Variants in NBPF9 observed in about 807,000 individuals in gnomAD.
NBPF9 encodes NBPF family member NBPF9.
In NBPF9, 91 loss-of-function variants were observed where a neutral mutation model predicts 97.8. The observed-to-expected ratio is 0.93, with a 90% CI of 0.79 to 1.11. The LOEUF (loss-of-function observed/expected upper bound fraction) is 1.11, where lower values mean the gene tolerates loss of function less well. Among genes scored for constraint, NBPF9 ranks in the 50% least tolerant of loss-of-function variants. NBPF9 has a pLI of 0.00. For missense variants in NBPF9, 992 were observed against 939.5 expected, an observed-to-expected ratio of 1.06 and a Z score of -0.73; for synonymous variants, 334 against 359.5, an observed-to-expected ratio of 0.93 and a Z score of 0.80.
intron 18 of NBPF9, chr1:149,065,212 G>A (rs1240988930): frequency 8.6e-6 from 6 of 696,312 alleles, no homozygotes; most frequent in Non-Finnish European, 1.0e-5. Flanking sequence ...GAGCTGATCT[G>A]ACAGACAACT....
chr1:149,062,171 G>A (rs587741705), exon 22 of NBPF9: 55 of 905,570 alleles, frequency 6.1e-5, no homozygotes, highest in Non-Finnish European at 9.5e-5. Flanking sequence ...CCTAAGTCAG[G>A]CAGTTCAAGA....
intron 5 of NBPF9, among the ~76,000 whole-genome samples, chr1:149,083,087 C>A (rs1306826838): frequency 1.3e-5 from 2 of 148,900 alleles, no homozygotes; most frequent in Non-Finnish European, 3.0e-5. Flanking sequence ...GGATTACAGG[C>A]GTGAGCCACC....
rs782617708 is a variant in NBPF9, at chr1:149,072,760, C to T, written c.1264G>A (p.Gly422Arg). The change falls in exon 14 of 30, where the codon GGG (glycine) becomes AGG (arginine). Residue 422 changes from glycine to arginine, a missense_variant. By Grantham distance (125) the Gly-to-Arg change is moderately radical. Coordinates refer to ENST00000584027, the Ensembl canonical transcript of NBPF9. The stretch of plus-strand genomic sequence containing the variant: ...ACAAGGTGCTGTGCCAGTCTACACC[C>T]CTCAGCCAGCTGTTCTTGGAGGTCC... 6 of 1,597,242 alleles carry T rather than the reference C, an allele frequency of 3.8e-6. No homozygotes were observed. The South Asian group carries it at 5.5e-5, about 15-fold the overall frequency.
rs587653005 is a variant in NBPF9, at chr1:149,079,273, G to A, written c.279-52C>T. ...AAGAGTAGAAAGGGTTGAGTGATCC[G>A]TTCAAATATTGCAACAGAGACTTCT... is the stretch of plus-strand genomic sequence containing the variant. On this transcript the variant is annotated intron_variant, in intron 8 of 29. Coordinates refer to ENST00000584027, the Ensembl canonical transcript of NBPF9. 4.7e-5 allele frequency: 56 copies of A among 1,189,322 alleles called. 3 individuals are homozygous for A. The highest frequency in any genetic ancestry group is 5.1e-5 in the East Asian group (2 of 39,240). The allele number at this position is 1,189,322 out of a possible 1,614,324, so 73.7% of individuals were successfully genotyped here.
At chr1:149,101,539 G>A (rs1339220542) in intron 2 of NBPF9, among the ~76,000 whole-genome samples, 160 bp from the exon 3 acceptor site, 3 of 152,348 alleles carry the variant, frequency 2.0e-5, no homozygotes, top group South Asian at 2.1e-4. Context: ...CAAATCAACA[G>A]AAAAACAAGC....
At chr1:149,076,777 G>T (rs587606477) in intron 11 of NBPF9, among the ~76,000 whole-genome samples, 2 of 151,068 alleles carry the variant, frequency 1.3e-5, no homozygotes, top group African/African-American at 4.8e-5. Flanking sequence ...CAAAGTGCTC[G>T]GATTACAGGT....
chr1:149,085,741 T>C (rs1303437498), intron 5 of NBPF9, among the ~76,000 whole-genome samples: 3 of 151,426 alleles, frequency 2.0e-5, no homozygotes, highest in Non-Finnish European at 2.9e-5. Context: ...TATGGAGAAA[T>C]TAAGATGATG....
chr1:149,052,745 G>GTGT (rs2077984269), downstream of NBPF9, among the ~76,000 whole-genome samples: 2 of 150,028 alleles, frequency 1.3e-5, no homozygotes, highest in Non-Finnish European at 3.0e-5. Context: ...GAATAAGGGT[G>GTGT]TGTTCTATTA....
At chr1:149,080,421 C>T (rs1392411561) in intron 7 of NBPF9, among the ~76,000 whole-genome samples, 13 of 151,068 alleles carry the variant, frequency 8.6e-5, no homozygotes, top group Non-Finnish European at 1.6e-4. Flanking sequence ...GGAGTCAGAA[C>T]TCACAGCCCC....
At chr1:149,084,430 A>T (rs1575861541) in intron 5 of NBPF9, among the ~76,000 whole-genome samples, 5 of 135,370 alleles carry the variant, frequency 3.7e-5, no homozygotes, top group Admixed American at 7.1e-5. Flanking sequence ...TATATATATT[A>T]TATATATATA....
At chr1:149,064,373 G>A (rs1316026761) in intron 19 of NBPF9, 58 bp downstream of exon 19, 1 of 790,022 alleles carries the variant, frequency 1.3e-6, no homozygotes, top group Non-Finnish European at 2.2e-6. Flanking sequence ...GTTTTCCCTG[G>A]ACTTGGCATC....
chr1:149,086,207 G>C (rs1309810182), intron 5 of NBPF9, among the ~76,000 whole-genome samples: 1 of 148,938 alleles, frequency 6.7e-6, no homozygotes, highest in Non-Finnish European at 1.5e-5. Flanking sequence ...TGGCAGGCCA[G>C]GTCTCACTAA....
chr1:149,082,693 C>G (rs1277875816), intron 5 of NBPF9, among the ~76,000 whole-genome samples: 1 of 143,902 alleles, frequency 6.9e-6, no homozygotes, highest in African/African-American at 2.6e-5. Context: ...AAGGCAGAAA[C>G]AGTTTCCCAA....
chr1:149,097,417 T>C (rs1431918237), intron 4 of NBPF9, among the ~76,000 whole-genome samples: 1 of 152,198 alleles, frequency 6.6e-6, no homozygotes, highest in African/African-American at 2.4e-5. Flanking sequence ...GTCTTGTCTT[T>C]GGATAAGTTC....
At chr1:149,084,849 C>A (rs1379297513) in intron 5 of NBPF9, among the ~76,000 whole-genome samples, 1 of 149,682 alleles carries the variant, frequency 6.7e-6, no homozygotes, top group Non-Finnish European at 1.5e-5. Context: ...GGGGAATTGA[C>A]CACGGATCTT....
At chr1:149,072,988 A>C in intron 13 of NBPF9, 56 bp from the exon 14 acceptor site, 1 of 1,568,890 alleles carries the variant, frequency 6.4e-7, no homozygotes, top group Non-Finnish European at 8.8e-7. Flanking sequence ...TGATCCGCTC[A>C]AATATTGCAA....
chr1:149,068,016 C>A (rs1466684765), intron 17 of NBPF9, among the ~76,000 whole-genome samples: 8 of 146,172 alleles, frequency 5.5e-5, no homozygotes, highest in Non-Finnish European at 1.2e-4. Flanking sequence ...AATTTCATAT[C>A]CAGCCAAACA....
intron 12 of NBPF9, 102 bp from the exon 13 acceptor site, chr1:149,073,972 T>C: frequency 1.5e-6 from 1 of 667,580 alleles, no homozygotes; most frequent in East Asian, 2.6e-5. Flanking sequence ...GACAAAACTC[T>C]CCCCAGTACC....
chr1:149,073,707 C>A (rs1384569093), intron 13 of NBPF9, 61 bp downstream of exon 13: 8 of 1,323,222 alleles, frequency 6.0e-6, no homozygotes, highest in South Asian at 1.2e-5. Flanking sequence ...CCCCACCGAG[C>A]TGCTGTACTT....
Sources: allele counts gnomAD v4.1 joint callset (sites outside exome capture counted in the v4.1 genomes callset), GRCh38; gene constraint gnomAD v4.1.1; transcripts MANE v1.5; gene names NCBI Gene and HGNC (gene_info 2026-07-23, HGNC 2026-07-21).